DCC: variants seen among roughly 807,000 people sequenced by gnomAD.
DCC encodes netrin receptor DCC.
DCC carries 58 observed loss-of-function variants against 172.5 expected under a neutral mutation model. The observed-to-expected ratio is 0.34, with a 90% confidence interval of 0.27 to 0.42. DCC has a LOEUF of 0.42. DCC is among the 10% of genes least tolerant of loss of function. The pLI, the probability that DCC is intolerant of heterozygous loss-of-function variation, is 1.00. For synonymous variants in DCC, 709 were observed against 644.5 expected (o/e 1.10, Z -1.52); for missense variants, 1,740 against 1,791.0 (o/e 0.97, Z 0.51).
intron 7 of DCC, among the ~76,000 whole-genome samples, chr18:53,130,106 T>C (rs1219611044): frequency 1.3e-5 from 2 of 152,166 alleles, no homozygotes; most frequent in Non-Finnish European, 2.9e-5. Context: ...TCTATTTTTC[T>C]TGTAGGAAGC....
At chr18:53,128,870 C>CAT (rs367907467) in intron 7 of DCC, among the ~76,000 whole-genome samples, 222 of 77,446 alleles carry the variant, frequency 2.9e-3, no homozygotes, top group East Asian at 6.0e-3. Flanking sequence ...CACACACACA[C>CAT]ATATATATAT....
intron 1 of DCC, among the ~76,000 whole-genome samples, chr18:52,527,727 A>C (rs1256250023): frequency 2.0e-5 from 3 of 152,238 alleles, no homozygotes; most frequent in African/African-American, 7.2e-5. Context: ...TTTCAATTAC[A>C]AATTCAAGTT....
At chr18:52,691,652 C>T (rs547936397) in intron 1 of DCC, among the ~76,000 whole-genome samples, 53 of 152,268 alleles carry the variant, frequency 3.5e-4, no homozygotes, top group African/African-American at 1.2e-3. Flanking sequence ...CCACTGTAAT[C>T]CAGGATGACC....
At chr18:52,669,549 A>G (rs1223386715) in intron 1 of DCC, among the ~76,000 whole-genome samples, 2 of 152,224 alleles carry the variant, frequency 1.3e-5, no homozygotes, top group African/African-American at 4.8e-5. Flanking sequence ...GATCTCTTTC[A>G]CTGTATAAGT....
chr18:52,682,097 G>T (rs1395907076), intron 1 of DCC, among the ~76,000 whole-genome samples: 1 of 151,984 alleles, frequency 6.6e-6, no homozygotes, highest in African/African-American at 2.4e-5. Context: ...AAATAGAGAG[G>T]GCAATTTGCT....
chr18:53,266,477 A>G (rs1328175925), intron 12 of DCC, among the ~76,000 whole-genome samples: 1 of 152,174 alleles, frequency 6.6e-6, no homozygotes, highest in Non-Finnish European at 1.5e-5. Flanking sequence ...ACAAACACTC[A>G]AAGTTGAGAC....
intron 7 of DCC, among the ~76,000 whole-genome samples, chr18:53,134,283 A>G (rs1327412932): frequency 2.6e-5 from 4 of 152,216 alleles, no homozygotes. Context: ...TAGTCATTTA[A>G]CAGTGGCTTT....
At chr18:52,988,804 A>G (rs1219778158) in intron 5 of DCC, among the ~76,000 whole-genome samples, 3 of 152,112 alleles carry the variant, frequency 2.0e-5, no homozygotes, top group Non-Finnish European at 2.9e-5. Flanking sequence ...ACACACATGT[A>G]ATTTTTTGTG....
chr18:53,148,664 T>TA (rs1177518591), intron 7 of DCC, among the ~76,000 whole-genome samples: 1 of 151,966 alleles, frequency 6.6e-6, no homozygotes, highest in African/African-American at 2.4e-5. Context: ...TGAAATGAAA[T>TA]AAAGTCTTAT....
At chr18:53,123,164 A>G (rs1204384321) in intron 7 of DCC, among the ~76,000 whole-genome samples, 1 of 152,084 alleles carries the variant, frequency 6.6e-6, no homozygotes, top group Non-Finnish European at 1.5e-5. Context: ...TGTATGTGCA[A>G]TATGCAAATA....
intron 15 of DCC, among the ~76,000 whole-genome samples, chr18:53,354,681 G>T (rs929810116): frequency 6.6e-6 from 1 of 151,866 alleles, no homozygotes; most frequent in African/African-American, 2.4e-5. Context: ...TGAGTAGATT[G>T]CAAAAATTTT....
At chr18:52,862,284 C>T (rs546907155) in intron 2 of DCC, among the ~76,000 whole-genome samples, 3 of 151,946 alleles carry the variant, frequency 2.0e-5, no homozygotes, top group East Asian at 1.9e-4. Context: ...TATGGAAGTT[C>T]GTCAAATATC....
At position 53,050,403 on chromosome 18, in the gene DCC, G is replaced by A. The variant is rs547881926; in HGVS notation, c.986-12902G>A. ...TTAATGATACTGATTCTTCCTATCC[G>A]TGACCATGGAATGTTTTCCATTTTT... is the stretch of plus-strand genomic sequence containing the variant. On this transcript the variant is annotated intron_variant, in intron 5 of 28. Coordinates refer to ENST00000442544, the MANE Select transcript of DCC (RefSeq NM_005215.4). Among the ~76,000 whole-genome samples the A allele has an allele frequency of 7.9e-5, 12 of 152,150 alleles. No homozygotes were observed. The South Asian group carries it at 8.3e-4, about 11-fold the overall frequency.
chr18:52,654,572 A>G (rs1249248648), intron 1 of DCC, among the ~76,000 whole-genome samples: 2 of 152,112 alleles, frequency 1.3e-5, no homozygotes, highest in Non-Finnish European at 2.9e-5. Context: ...TTGTGTGTTC[A>G]TATCTGTGTG....
At chr18:52,879,923 TTATG>T (rs1183473678) in intron 2 of DCC, among the ~76,000 whole-genome samples, 1 of 152,162 alleles carries the variant, frequency 6.6e-6, no homozygotes, top group East Asian at 1.9e-4. Context: ...GTGTATATAT[TTATG>T]GGGTGCATGA....
chr18:52,523,062 CT>C (rs2031869201), intron 1 of DCC, among the ~76,000 whole-genome samples: 1 of 152,178 alleles, frequency 6.6e-6, no homozygotes, highest in Non-Finnish European at 1.5e-5. Flanking sequence ...TTACTGTCCT[CT>C]GAAATGTGGA....
In DCC at chr18:53,023,401, C is replaced by CAAAAAAAAAAAAAAAAAAAAAAAAAAA. The variant is rs869070422; in HGVS notation, c.986-39902_986-39876dup. 2.5e-4 allele frequency among the ~76,000 whole-genome samples: 6 copies of CAAAAAAAAAAAAAAAAAAAAAAAAAAA among 24,428 alleles called. 1 individual carries two copies. Among genetic ancestry groups the CAAAAAAAAAAAAAAAAAAAAAAAAAAA allele is most frequent in the African/African-American group, 9.6e-4 (5 of 5,196 alleles). The allele number at this position is 24,428 out of a possible 152,430, so 16.0% of individuals were successfully genotyped here. Reference sequence around the variant, plus strand: ...GGACAAACACATATATAACTCAGACCAAAAAAAAAAAAAAAAAAAAAAAAA... The same window carrying CAAAAAAAAAAAAAAAAAAAAAAAAAAA: ...GGACAAACACATATATAACTCAGACCAAAAAAAAAAAAAAAAAAAAAAAAAAAAAAAAAAAAAAAAAAAAAAAAAAAA... On this transcript the variant is annotated intron_variant, in intron 5 of 28. Transcript: ENST00000442544.
chr18:53,151,681 G>A (rs1163059579), intron 7 of DCC, among the ~76,000 whole-genome samples: 4 of 152,002 alleles, frequency 2.6e-5, no homozygotes, highest in Admixed American at 6.5e-5. Context: ...ATTTTATGGA[G>A]TACATTAAGT....
chr18:52,493,051 A>G (rs1016411040), intron 1 of DCC, among the ~76,000 whole-genome samples: 3 of 152,116 alleles, frequency 2.0e-5, no homozygotes, highest in Non-Finnish European at 2.9e-5. Context: ...AAGGATGCAG[A>G]TATACATAAA....
Sources: allele counts gnomAD v4.1 joint callset (sites outside exome capture counted in the v4.1 genomes callset), GRCh38; gene constraint gnomAD v4.1.1; transcripts MANE v1.5; gene names NCBI Gene and HGNC (gene_info 2026-07-23, HGNC 2026-07-21).